The following COL21A1 variants were observed in gnomAD, a reference collection of about 807,000 sequenced individuals.
COL21A1 encodes collagen type XXI alpha 1 chain.
A neutral mutation model predicts 137.9 loss-of-function variants in COL21A1; 149 were observed. The ratio of observed to expected loss-of-function variants is 1.08; its 90% CI spans 0.95 to 1.24. The LOEUF is 1.24. COL21A1 is among the 50% of genes most tolerant of loss of function. The pLI is 0.00. For missense variants in COL21A1, 1,167 were observed against 1,158.4 expected (o/e 1.01, Z -0.11); for synonymous variants, 456 against 391.5 (o/e 1.16, Z -1.95).
chr6:56,093,347 A>T (rs919787210), intron 17 of COL21A1, among the ~76,000 whole-genome samples: 1 of 152,170 alleles, frequency 6.6e-6, no homozygotes, highest in African/African-American at 2.4e-5. Context: ...AAATTAATAA[A>T]TCGCTCTGAA....
chr6:56,283,785 C>A (rs1032928810), intron 1 of COL21A1, among the ~76,000 whole-genome samples: 16 of 152,002 alleles, frequency 1.1e-4, no homozygotes, highest in African/African-American at 3.6e-4. Context: ...TGTCATAACT[C>A]AAAAATTCCA....
At chr6:56,236,510 G>T (rs1466205862) in intron 1 of COL21A1, among the ~76,000 whole-genome samples, 2 of 151,978 alleles carry the variant, frequency 1.3e-5, no homozygotes, top group African/African-American at 4.8e-5. Context: ...CCAGCCCTAT[G>T]ACTTGTGTTA....
At chr6:56,129,849 G>C (rs1773378210) in intron 12 of COL21A1, among the ~76,000 whole-genome samples, 1 of 148,210 alleles carries the variant, frequency 6.7e-6, no homozygotes, top group South Asian at 2.1e-4. Context: ...ATAAATTTTA[G>C]GGGAAGACCA....
chr6:56,208,973 T>C (rs547424725), intron 1 of COL21A1, among the ~76,000 whole-genome samples: 1 of 152,188 alleles, frequency 6.6e-6, no homozygotes, highest in Non-Finnish European at 1.5e-5. Flanking sequence ...GCTAGCCATA[T>C]GCAGAAAGCT....
intron 17 of COL21A1, among the ~76,000 whole-genome samples, chr6:56,095,963 C>G (rs550908001): frequency 9.9e-5 from 15 of 152,266 alleles, no homozygotes; most frequent in African/African-American, 3.1e-4. Flanking sequence ...TCTCCTGCCA[C>G]AGCCTCCCGA....
At chr6:56,237,103 G>GA (rs1781954393) in intron 1 of COL21A1, among the ~76,000 whole-genome samples, 1 of 149,602 alleles carries the variant, frequency 6.7e-6, no homozygotes, top group Non-Finnish European at 1.5e-5. Context: ...ATGGCTCTGA[G>GA]AAAACAGAAA....
At chr6:56,138,584 A>G (rs901955099) in intron 12 of COL21A1, among the ~76,000 whole-genome samples, 2 of 152,128 alleles carry the variant, frequency 1.3e-5, no homozygotes, top group African/African-American at 2.4e-5. Context: ...GGAATAGTCA[A>G]CAGTGTCAAA....
chr6:56,147,614 T>A (rs1774936203), intron 10 of COL21A1, among the ~76,000 whole-genome samples: 1 of 152,074 alleles, frequency 6.6e-6, no homozygotes, highest in Non-Finnish European at 1.5e-5. Flanking sequence ...AGTGACCAAT[T>A]CTTTGAAGAA....
intron 7 of COL21A1, among the ~76,000 whole-genome samples, chr6:56,165,031 T>C (rs956204774): frequency 1.1e-5 from 1 of 87,364 alleles, no homozygotes; most frequent in South Asian, 4.7e-4. Context: ...ACAGAAAGGA[T>C]ATATTTTTTT....
rs547288300 is a variant in COL21A1, at chr6:56,293,064, G to T, written c.-39+100907C>A. On this transcript the variant is annotated intron_variant, in intron 1 of 28. Coordinates refer to the COL21A1 transcript ENST00000370819. Reference sequence around the variant, plus strand: ...AAGTGATATTTTTCAAATCTAGGAAGATTCTGCATAATTTTAAAATACACT... The same window carrying T: ...AAGTGATATTTTTCAAATCTAGGAATATTCTGCATAATTTTAAAATACACT... 2.2e-4 allele frequency among the ~76,000 whole-genome samples: 33 copies of T among 152,278 alleles called. No individual in the cohort carries two copies. The Middle Eastern group carries it at 0.01, about 47-fold the overall frequency.
intron 1 of COL21A1, chr6:56,226,045 T>C (rs1781166573): frequency 6.6e-6 from 1 of 152,082 alleles, no homozygotes; most frequent in African/African-American, 2.4e-5. Flanking sequence ...ATTTCAAATA[T>C]TCTTCCCAAG....
Position 56,101,472 on chromosome 6 carries a change from A to G in COL21A1, c.1812T>C (p.Pro604=), listed in dbSNP as rs546635970. Residue 604 remains proline, a splice_region_variant and synonymous_variant, in exon 17 of 30, where the codon CCT becomes CCC. Coordinates refer to ENST00000244728, the MANE Select transcript of COL21A1 (RefSeq NM_030820.4). ...APGQDGTRGE[P]GIPGFPGNRG... is the part of the protein sequence containing the mutation. ...AGAACTGAAATGAGAAGGTACTCACAGGCTCTCCCCGTGTTCCATCCTGCC... is the reference window on the plus strand; with the variant it reads ...AGAACTGAAATGAGAAGGTACTCACGGGCTCTCCCCGTGTTCCATCCTGCC... 6.3e-5 allele frequency: 100 copies of G among 1,591,122 alleles called. No homozygotes were observed. Among genetic ancestry groups the G allele is most frequent in the Non-Finnish European group, 8.0e-5 (93 of 1,166,354 alleles).
chr6:56,079,059 T>A lies in COL21A1; in HGVS notation c.1813-1486A>T, dbSNP rs1456903751. On this transcript the variant is annotated intron_variant, in intron 17 of 29. Transcript: ENST00000244728. ...ATGCAATGAATTAAGATAAACATTA[T>A]TCAAAATAAGGGCCTCCATTTGAAT... is the stretch of plus-strand genomic sequence containing the variant. 2.0e-5 allele frequency among the ~76,000 whole-genome samples: 3 copies of A among 151,726 alleles called. 1 individual carries two copies. The South Asian group carries it at 6.2e-4, about 31-fold the overall frequency.
chr6:56,198,812 T>C (rs1281227130), intron 1 of COL21A1, among the ~76,000 whole-genome samples: 1 of 152,134 alleles, frequency 6.6e-6, no homozygotes, highest in South Asian at 2.1e-4. Context: ...CTTTAGAATA[T>C]GTATGCTTAA....
At chr6:56,151,409 A>T (rs1472548843) in intron 10 of COL21A1, among the ~76,000 whole-genome samples, 1 of 152,178 alleles carries the variant, frequency 6.6e-6, no homozygotes, top group Non-Finnish European at 1.5e-5. Flanking sequence ...CCTCTGAATT[A>T]CCTGGCAGGA....
intron 16 of COL21A1, among the ~76,000 whole-genome samples, chr6:56,108,585 C>T (rs927226391): frequency 2.6e-5 from 4 of 151,680 alleles, no homozygotes; most frequent in African/African-American, 2.4e-5. Flanking sequence ...CAATGAATAA[C>T]GTAGAAACTA....
chr6:56,237,318 A>G (rs1326700267), intron 1 of COL21A1, among the ~76,000 whole-genome samples: 1 of 152,094 alleles, frequency 6.6e-6, no homozygotes, highest in African/African-American at 2.4e-5. Flanking sequence ...CTGTCTAAGC[A>G]TTGGCAATAC....
chr6:56,393,726 T>G (rs1447413430), intron 1 of COL21A1, among the ~76,000 whole-genome samples: 1 of 152,126 alleles, frequency 6.6e-6, no homozygotes, highest in African/African-American at 2.4e-5. Flanking sequence ...GCCTACACCA[T>G]GAGGCAGGTA....
At chr6:56,105,347 G>A (rs145458944) in intron 16 of COL21A1, among the ~76,000 whole-genome samples, 273 of 152,268 alleles carry the variant, frequency 1.8e-3, no homozygotes, top group African/African-American at 5.9e-3. Context: ...CAGAAAGGGA[G>A]ATCCACTGCC....
Sources: gnomAD v4.1 joint callset for allele counts (sites outside exome capture counted in the v4.1 genomes callset) on GRCh38, gnomAD v4.1.1 for gene constraint, MANE v1.5 for transcripts, NCBI Gene and HGNC (gene_info 2026-07-23, HGNC 2026-07-21) for gene names.